KALRN: variants seen among roughly 807,000 people sequenced by gnomAD.
The protein encoded by KALRN is kalirin RhoGEF kinase, also known as kalirin.
Under a neutral mutation model 353.7 loss-of-function variants are expected in KALRN, and 70 were observed. That is an observed-to-expected ratio of 0.20 (90% CI 0.16 to 0.24). The LOEUF (loss-of-function observed/expected upper bound fraction) is 0.24. Among genes scored for constraint, KALRN ranks in the 10% least tolerant of loss-of-function variants. The probability of loss-of-function intolerance (pLI) is 1.00; values close to 1 mark genes in which losing one functional copy is unlikely to be tolerated. For missense variants in KALRN, 2,791 were observed against 3,756.7 expected (o/e 0.74, Z 6.72); for synonymous variants, 1,391 against 1,434.8 (o/e 0.97, Z 0.69).
Position 124,629,881 on chromosome 3 carries a change from C to T in KALRN, c.5183-2539C>T, listed in dbSNP as rs145963824. On this transcript the variant is annotated intron_variant, in intron 34 of 59. Transcript: ENST00000682506. Reference sequence around the variant, plus strand: ...TATGTATAGCTAGGTAAGAGGTCTGCGAAAATAAAAATCTGTCTTATATAT... The same window carrying T: ...TATGTATAGCTAGGTAAGAGGTCTGTGAAAATAAAAATCTGTCTTATATAT... Among the ~76,000 whole-genome samples the T allele has an allele frequency of 8.2e-3, 1,242 of 151,806 alleles. 20 individuals carry two copies. Among genetic ancestry groups the T allele is most frequent in the Admixed American group, 0.027 (415 of 15,222 alleles).
intron 11 of KALRN, among the ~76,000 whole-genome samples, chr3:124,389,579 C>A (rs1005878878): frequency 1.3e-5 from 2 of 152,174 alleles, no homozygotes; most frequent in African/African-American, 2.4e-5. Flanking sequence ...TAGAGACCAT[C>A]TAAATGTTTC....
At chr3:124,250,412 C>G (rs1378290781) in intron 3 of KALRN, among the ~76,000 whole-genome samples, 1 of 152,118 alleles carries the variant, frequency 6.6e-6, no homozygotes, top group East Asian at 1.9e-4. Context: ...AGTTGCTGCT[C>G]TGTCTCCTGG....
chr3:124,144,520 T>TCTCCTCTTCCTCGTCCTC (rs932654843), intron 1 of KALRN, among the ~76,000 whole-genome samples: 4 of 149,218 alleles, frequency 2.7e-5, no homozygotes, highest in African/African-American at 9.9e-5. Flanking sequence ...TTGTCCTCCT[T>TCTCCTCTTCCTCGTCCTC]CTCCTCTTCC....
chr3:124,660,620 A>G (rs2084725229), intron 43 of KALRN, among the ~76,000 whole-genome samples: 1 of 147,466 alleles, frequency 6.8e-6, no homozygotes, highest in Admixed American at 7.0e-5. Context: ...GGCACAGGTT[A>G]CGGTGAGCCA....
intron 34 of KALRN, among the ~76,000 whole-genome samples, chr3:124,575,205 T>G (rs2073972376): frequency 6.6e-6 from 1 of 152,198 alleles, no homozygotes; most frequent in Non-Finnish European, 1.5e-5. Context: ...CCAGCCAGAA[T>G]CTTGATTCTC....
chr3:124,270,720 C>T (rs768936504), intron 5 of KALRN, among the ~76,000 whole-genome samples: 5 of 152,050 alleles, frequency 3.3e-5, no homozygotes, highest in South Asian at 2.1e-4. Context: ...CATTGCTCAC[C>T]GAGTGATTAG....
At chr3:124,037,861 T>A (rs1381398238) in intron 1 of KALRN, among the ~76,000 whole-genome samples, 1 of 152,138 alleles carries the variant, frequency 6.6e-6, no homozygotes, top group Non-Finnish European at 1.5e-5. Flanking sequence ...TGTGGGCTGG[T>A]TGAAGACAGG....
chr3:124,219,938 T>G (rs894462685), intron 1 of KALRN, among the ~76,000 whole-genome samples: 1 of 140,748 alleles, frequency 7.1e-6, no homozygotes, highest in East Asian at 2.0e-4. Flanking sequence ...TGGTGGTAGG[T>G]TTTTTTTTTG....
intron 33 of KALRN, among the ~76,000 whole-genome samples, chr3:124,501,103 A>C (rs1461997657): frequency 1.3e-5 from 2 of 152,252 alleles, no homozygotes; most frequent in African/African-American, 4.8e-5. Context: ...GAACATTACA[A>C]ACCTATCCTA....
Position 124,033,763 on chromosome 3 carries a change from C to T in KALRN, c.23C>T (p.Ala8Val), listed in dbSNP as rs927168364. Among the ~76,000 whole-genome samples the T allele has an allele frequency of 2.6e-5, 4 of 152,090 alleles. No homozygotes were observed. Among genetic ancestry groups the T allele is most frequent in the African/African-American group, 9.7e-5 (4 of 41,428 alleles). The part of the protein sequence containing the change: MNPPEGA[A>V]EEGGAADSDV... ...GTCATGAACCCCCCTGAGGGAGCAGCGGAGGAAGGAGGAGCAGCAGACTCG... is the reference window on the plus strand; with the variant it reads ...GTCATGAACCCCCCTGAGGGAGCAGTGGAGGAAGGAGGAGCAGCAGACTCG... The change falls in exon 1 of 60, where the codon GCG becomes GTG. Residue 8 changes from alanine (A) to valine (V), a missense_variant. Around this residue, in one of 11 missense-constraint regions of KALRN, gnomAD observed 110 missense variants for 204.1 expected, o/e 0.54. Transcript: ENST00000682506. This position sits in a 1 kb window ranked among gnomAD's most constrained non-coding sequence, Gnocchi z 6.2.
At chr3:124,243,423 T>C (rs973704185) in intron 3 of KALRN, among the ~76,000 whole-genome samples, 1 of 152,170 alleles carries the variant, frequency 6.6e-6, no homozygotes, top group Non-Finnish European at 1.5e-5. Flanking sequence ...CACTTGGTCA[T>C]GAAGTAACTA....
At chr3:124,332,333 G>A (rs1330944163) in intron 8 of KALRN, among the ~76,000 whole-genome samples, 1 of 151,990 alleles carries the variant, frequency 6.6e-6, no homozygotes, top group Non-Finnish European at 1.5e-5. Context: ...ATGCAAACCC[G>A]GCAAACAGCT....
intron 35 of KALRN, among the ~76,000 whole-genome samples, chr3:124,633,636 G>GGTGT (rs60981319): frequency 1.9e-5 from 2 of 103,640 alleles, no homozygotes; most frequent in Non-Finnish European, 5.1e-5. Context: ...TCTTTTTGGG[G>GGTGT]GTGTGTGTGT....
At chr3:124,697,277 T>G (rs1276188980) in intron 54 of KALRN, among the ~76,000 whole-genome samples, 1 of 152,154 alleles carries the variant, frequency 6.6e-6, no homozygotes, top group Admixed American at 6.5e-5. Context: ...AAAAATAAAG[T>G]TCTGGCAAAT....
intron 27 of KALRN, among the ~76,000 whole-genome samples, chr3:124,481,713 G>A (rs1042648765): frequency 3.9e-5 from 6 of 152,060 alleles, no homozygotes; most frequent in African/African-American, 7.2e-5. Flanking sequence ...TATTTCAGCC[G>A]ATACAGTTTT....
chr3:124,133,623 G>A (rs1196149113), intron 1 of KALRN, among the ~76,000 whole-genome samples: 1 of 152,172 alleles, frequency 6.6e-6, no homozygotes, highest in East Asian at 1.9e-4. Context: ...AGGCGCTAGA[G>A]GAATCTGGGG....
At chr3:124,401,563 T>G (rs1208090385) in intron 13 of KALRN, among the ~76,000 whole-genome samples, 1 of 152,188 alleles carries the variant, frequency 6.6e-6, no homozygotes, top group Admixed American at 6.5e-5. Flanking sequence ...AGCCTTTGTA[T>G]GTATAAAAAT....
intron 10 of KALRN, among the ~76,000 whole-genome samples, chr3:124,357,885 T>C (rs1202417496): frequency 6.6e-6 from 1 of 152,206 alleles, no homozygotes; most frequent in African/African-American, 2.4e-5. Context: ...GATAAACGAA[T>C]GAGTGCTATG....
chr3:124,569,197 C>G (rs1198438921), intron 34 of KALRN, among the ~76,000 whole-genome samples: 4 of 152,152 alleles, frequency 2.6e-5, no homozygotes, highest in South Asian at 2.1e-4. Flanking sequence ...AGCAGATGCT[C>G]TAGAGGAGAG....
Sources: allele counts gnomAD v4.1 joint callset (sites outside exome capture counted in the v4.1 genomes callset), GRCh38; gene constraint gnomAD v4.1.1; regional missense constraint gnomAD v4.1.1; non-coding constraint Gnocchi (gnomAD v3.1); transcripts MANE v1.5; gene names NCBI Gene and HGNC (gene_info 2026-07-23, HGNC 2026-07-21).